Variants in SERPINB10 observed in about 807,000 individuals in gnomAD.
SERPINB10 encodes serpin B10.
A neutral mutation model predicts 39.1 loss-of-function variants in SERPINB10; 35 were observed. The ratio of observed to expected loss-of-function variants is 0.90; its 90% CI spans 0.68 to 1.19. The LOEUF (loss-of-function observed/expected upper bound fraction) is 1.19, where lower values mean the gene tolerates loss of function less well. Among genes scored for constraint, SERPINB10 ranks in the 50% most tolerant of loss-of-function variants. The pLI is 0.00. For missense variants in SERPINB10, 546 were observed against 460.5 expected (o/e 1.19, Z -1.70); for synonymous variants, 190 against 158.1 (o/e 1.20, Z -1.52).
rs200542563 is a variant in SERPINB10, at chr18:63,933,025, T to C, written c.634-23T>C. On this transcript the variant is annotated intron_variant, in intron 6 of 7. Coordinates refer to ENST00000238508, the MANE Select transcript of SERPINB10 (RefSeq NM_005024.3). The stretch of plus-strand genomic sequence containing the variant: ...TCTTCAATGACCTTGTTACCTGTTT[T>C]TTTGTTTTTTTGTTTTTTTTAGACT... 1.2e-4 allele frequency: 186 copies of C among 1,595,864 alleles called. No homozygotes were observed. In the African/African-American group the frequency reaches 2.1e-3, roughly 18 times the overall value.
At position 63,930,286 on chromosome 18, in the gene SERPINB10, ACTATGGCTCTTACCAGGGAAGTGAT is replaced by A. The variant is rs1268005658; in HGVS notation, c.633+100_633+124del. ...TCTTTTAGATTGTATGTTCTAGTGAACTATGGCTCTTACCAGGGAAGTGATGGCTGGGCTAAAAGCCTTCAGTTCC... is the reference window on the plus strand; with the variant it reads ...TCTTTTAGATTGTATGTTCTAGTGAAGGCTGGGCTAAAAGCCTTCAGTTCC... On this transcript the variant is annotated intron_variant, in intron 6 of 7. Transcript: ENST00000238508. 1.4e-5 allele frequency: 18 copies of A among 1,328,318 alleles called. No individual in the cohort carries two copies. In the African/African-American group the frequency reaches 2.6e-4, roughly 19 times the overall value. The allele number at this position is 1,328,318 out of a possible 1,614,324, so 82.3% of individuals were successfully genotyped here. A position where few individuals can be genotyped will look rare whatever the true frequency, so the allele number is the denominator to read the frequency against.
chr18:63,932,509 T>C (rs1356517869), intron 6 of SERPINB10, among the ~76,000 whole-genome samples: 1 of 152,220 alleles, frequency 6.6e-6, no homozygotes, highest in Non-Finnish European at 1.5e-5. Context: ...CTGTATGTCT[T>C]CTTTGTGAGG....
At chr18:63,928,473 T>C (rs1315608105) in intron 5 of SERPINB10, among the ~76,000 whole-genome samples, 2 of 152,116 alleles carry the variant, frequency 1.3e-5, no homozygotes, top group East Asian at 3.9e-4. Context: ...ATAGAAGCAA[T>C]TGCACACAGC....
chr18:63,924,397 T>C (rs1462913433), intron 5 of SERPINB10, among the ~76,000 whole-genome samples: 1 of 151,974 alleles, frequency 6.6e-6, no homozygotes, highest in African/African-American at 2.4e-5. Flanking sequence ...TTGTAGCCCA[T>C]TGCTGGTACC....
At chr18:63,908,172 C>A (rs948460781) in intron 1 of SERPINB10, 132 bp downstream of exon 1, 8 of 189,422 alleles carry the variant, frequency 4.2e-5, no homozygotes, top group South Asian at 9.8e-5. Flanking sequence ...AGGCCCAATC[C>A]CTTAAGAATT....
intron 5 of SERPINB10, among the ~76,000 whole-genome samples, chr18:63,921,356 A>G (rs1197618491): frequency 6.6e-6 from 1 of 151,942 alleles, no homozygotes; most frequent in Non-Finnish European, 1.5e-5. Flanking sequence ...AATCACATTC[A>G]GAATGGTTTT....
intron 5 of SERPINB10, among the ~76,000 whole-genome samples, chr18:63,921,803 T>C (rs1417441855): frequency 6.6e-6 from 1 of 151,900 alleles, no homozygotes; most frequent in African/African-American, 2.4e-5. Context: ...TGTCACTCCC[T>C]GGATTAAAAT....
rs374025391 is a variant in SERPINB10, at chr18:63,933,059, A to T, written c.645A>T (p.Lys215Asn). 3.0e-5 allele frequency: 48 copies of T among 1,613,442 alleles called. No individual in the cohort carries two copies. In the Admixed American group the frequency reaches 3.8e-4, roughly 13 times the overall value. Residue 215 changes from lysine to asparagine, a missense_variant, in exon 7 of 8, where the codon AAA becomes AAT. Lys to Asn is a moderately conservative substitution (Grantham distance 94). Coordinates refer to ENST00000238508, the MANE Select transcript of SERPINB10 (RefSeq NM_005024.3). The part of the protein sequence containing the change: ...KPFRINETTS[K>N]PVQMMFMKKK... ...TTTGTTTTTTTTAGACTACAAGCAA[A>T]CCAGTGCAAATGATGTTTATGAAGA... is the stretch of plus-strand genomic sequence containing the variant.
In SERPINB10 at chr18:63,934,999, A is replaced by G. The variant is rs1423441414; in HGVS notation, c.951A>G (p.Gln317=). The G allele has an allele frequency of 6.2e-7, 1 of 1,614,096 alleles. No homozygotes were observed. The highest frequency in any genetic ancestry group is 1.3e-5 in the African/African-American group (1 of 74,940). ...TGGGGATGAGTGATGCCTTCAGCCA[A>G]AGCAAAGCTGATTTCTCAGGAATGT... The part of the protein sequence containing the change: ...SSMGMSDAFS[Q]SKADFSGMSS... Residue 317 remains glutamine, a synonymous_variant, in exon 8 of 8, where the codon CAA becomes CAG. Coordinates refer to ENST00000238508, the MANE Select transcript of SERPINB10 (RefSeq NM_005024.3).
At chr18:63,919,753 C>G in intron 4 of SERPINB10, 35 bp from the exon 5 acceptor site, 1 of 1,421,910 alleles carries the variant, frequency 7.0e-7, no homozygotes, top group Non-Finnish European at 9.7e-7. Flanking sequence ...TTTGAACAAA[C>G]TCTACAAAAG....
intron 6 of SERPINB10, 60 bp from the exon 7 acceptor site, chr18:63,932,988 T>C: frequency 1.3e-6 from 2 of 1,485,462 alleles, no homozygotes; most frequent in Non-Finnish European, 1.8e-6. Context: ...ATTAAGGAGT[T>C]GGTGGAATAC....
intron 1 of SERPINB10, among the ~76,000 whole-genome samples, chr18:63,910,212 A>T (rs1163644048): frequency 1.3e-5 from 2 of 152,034 alleles, no homozygotes; most frequent in African/African-American, 4.8e-5. Flanking sequence ...TCAGAAGGCC[A>T]GGTGACGTTC....
At chr18:63,915,133 T>C (rs143760548) in intron 1 of SERPINB10, among the ~76,000 whole-genome samples, 106 of 152,208 alleles carry the variant, frequency 7.0e-4, no homozygotes, top group Non-Finnish European at 1.3e-3. Context: ...AAAGAATATT[T>C]TGCTCTCAAT....
chr18:63,919,894 G>A lies in SERPINB10; in HGVS notation c.479G>A (p.Arg160Lys). 1 of 1,604,486 alleles carries A rather than the reference G, an allele frequency of 6.2e-7. No individual in the cohort carries two copies. Among genetic ancestry groups the A allele is most frequent in the Non-Finnish European group, 8.5e-7 (1 of 1,174,208 alleles). ...AAGGACATCAACTCTTGGGTTGAAA[G>A]ACAGACCGAGGGTAAGCTTTCACCA... ...IRKDINSWVE[R>K]QTEGKIQNLL... Residue 160 changes from arginine (R) to lysine (K), a missense_variant, in exon 5 of 8, where the codon AGA becomes AAA. Physicochemically the swap from Arg to Lys is conservative, Grantham distance 26. Transcript: ENST00000238508.
intron 7 of SERPINB10, among the ~76,000 whole-genome samples, chr18:63,933,493 C>T (rs111226579): frequency 2.0e-5 from 3 of 152,182 alleles, no homozygotes; most frequent in Non-Finnish European, 4.4e-5. Flanking sequence ...ACATGTACAA[C>T]AGATACAAAT....
chr18:63,910,195 A>G lies in SERPINB10; in HGVS notation c.-10+2155A>G, dbSNP rs114838129. 6.5e-3 allele frequency among the ~76,000 whole-genome samples: 984 copies of G among 152,112 alleles called. 14 individuals carry two copies. The highest frequency in any genetic ancestry group is 0.022 in the African/African-American group (917 of 41,532). On this transcript the variant is annotated intron_variant, in intron 1 of 7. Coordinates refer to ENST00000238508, the MANE Select transcript of SERPINB10 (RefSeq NM_005024.3). ...TGACGTTTTCCAAAGCTCTCATTCT[A>G]GGTTTCTCAGAAGGCCAGGTGACGT...
At chr18:63,934,454 C>T (rs2050246550) in intron 7 of SERPINB10, among the ~76,000 whole-genome samples, 1 of 152,072 alleles carries the variant, frequency 6.6e-6, no homozygotes, top group Non-Finnish European at 1.5e-5. Context: ...AGAGCTGTCT[C>T]CCATGTCGAT....
At chr18:63,932,070 A>G (rs2050226556) in intron 6 of SERPINB10, among the ~76,000 whole-genome samples, 1 of 152,164 alleles carries the variant, frequency 6.6e-6, no homozygotes, top group Admixed American at 6.5e-5. Context: ...ATGTCTTTTC[A>G]GGGCTTCATA....
At chr18:63,919,983 A>T in intron 5 of SERPINB10, 78 bp downstream of exon 5, 1 of 806,174 alleles carries the variant, frequency 1.2e-6, no homozygotes, top group Non-Finnish European at 2.1e-6. Context: ...GTCATATGTA[A>T]GTATGTATAC....
Sources: gnomAD v4.1 joint callset for allele counts (sites outside exome capture counted in the v4.1 genomes callset) on GRCh38, gnomAD v4.1.1 for gene constraint, MANE v1.5 for transcripts, NCBI Gene and HGNC (gene_info 2026-07-23, HGNC 2026-07-21) for gene names.